RYR3: variants seen among roughly 807,000 people sequenced by gnomAD.
The protein encoded by RYR3 is ryanodine receptor 3.
A neutral mutation model predicts 584.3 loss-of-function variants in RYR3; 207 were observed. The observed-to-expected ratio is 0.35, with a 90% confidence interval of 0.32 to 0.40. The LOEUF (loss-of-function observed/expected upper bound fraction) is 0.40, where lower values mean the gene tolerates loss of function less well. Ranked by LOEUF, RYR3 falls within the 10% of genes least tolerant of loss-of-function variation. The pLI is 1.00. For missense variants in RYR3, 5,616 were observed against 6,089.2 expected (o/e 0.92, Z 2.59); for synonymous variants, 2,416 against 2,248.5 (o/e 1.07, Z -2.11).
At chr15:33,539,254 C>A in intron 5 of RYR3, 96 bp from the exon 6 acceptor site, 1 of 732,384 alleles carries the variant, frequency 1.4e-6, no homozygotes, top group East Asian at 2.8e-5. Flanking sequence ...GTTGTGTGCA[C>A]GTGAAGGGTT....
At chr15:33,459,963 G>T (rs1204085092) in intron 1 of RYR3, among the ~76,000 whole-genome samples, 1 of 152,176 alleles carries the variant, frequency 6.6e-6, no homozygotes, top group Non-Finnish European at 1.5e-5. Context: ...GAATCAAGCA[G>T]TCATGCTTAA....
intron 7 of RYR3, among the ~76,000 whole-genome samples, chr15:33,541,163 C>T (rs2055785349): frequency 6.6e-6 from 1 of 152,016 alleles, no homozygotes; most frequent in African/African-American, 2.4e-5. Flanking sequence ...GGATATGCAC[C>T]TTTGCTCTCT....
At chr15:33,734,134 G>A (rs1223344473) in intron 48 of RYR3, among the ~76,000 whole-genome samples, 2 of 152,128 alleles carry the variant, frequency 1.3e-5, no homozygotes, top group East Asian at 3.9e-4. Flanking sequence ...TGGGAAGGAG[G>A]CCTCGACCCA....
chr15:33,487,212 A>AT (rs2142430413), intron 2 of RYR3, among the ~76,000 whole-genome samples: 1 of 151,154 alleles, frequency 6.6e-6, no homozygotes, highest in Admixed American at 6.6e-5. Context: ...AAAAAAAAAA[A>AT]AGTGTGAGGT....
intron 1 of RYR3, among the ~76,000 whole-genome samples, chr15:33,434,757 T>C (rs1324999180): frequency 6.6e-6 from 1 of 152,196 alleles, no homozygotes; most frequent in Non-Finnish European, 1.5e-5. Flanking sequence ...TCTCTTCTCT[T>C]TAGTGTTTGC....
intron 57 of RYR3, among the ~76,000 whole-genome samples, chr15:33,754,072 A>C (rs1464207283): frequency 6.6e-6 from 1 of 152,146 alleles, no homozygotes; most frequent in East Asian, 1.9e-4. Flanking sequence ...TGAACCCAGA[A>C]GGCAGAGGTT....
chr15:33,607,886 T>C (rs1177865144), intron 18 of RYR3, among the ~76,000 whole-genome samples: 2 of 152,160 alleles, frequency 1.3e-5, no homozygotes, highest in South Asian at 2.1e-4. Context: ...TATAGATTAA[T>C]TGATTCAAAA....
At position 33,493,411 on chromosome 15, in the gene RYR3, G is replaced by C. The variant is rs574318326; in HGVS notation, c.172-10220G>C. Among the ~76,000 whole-genome samples, 525 of 152,144 alleles carry C rather than the reference G, an allele frequency of 3.5e-3. 3 individuals are homozygous for C. The highest frequency in any genetic ancestry group is 0.012 in the African/African-American group (498 of 41,512). Reference sequence around the variant, plus strand: ...AAGCTAGAATTCCAGGGATTGTTACGTTCCCATTAAGTTTCCACAGCTCAT... The same window carrying C: ...AAGCTAGAATTCCAGGGATTGTTACCTTCCCATTAAGTTTCCACAGCTCAT... On this transcript the variant is annotated intron_variant, in intron 2 of 103. Coordinates refer to ENST00000634891, the MANE Select transcript of RYR3 (RefSeq NM_001036.6).
chr15:33,843,462 A>T, intron 91 of RYR3, 26 bp from the exon 92 acceptor site: 1 of 1,525,434 alleles, frequency 6.6e-7, no homozygotes, highest in Non-Finnish European at 9.0e-7. Flanking sequence ...AAGCTCTTCT[A>T]CTTCTGCCTG....
intron 38 of RYR3, among the ~76,000 whole-genome samples, chr15:33,683,058 G>A (rs531140541): frequency 8.4e-4 from 128 of 151,720 alleles, no homozygotes; most frequent in African/African-American, 2.9e-3. Flanking sequence ...GCAGTGGCGC[G>A]ATCTTGGCTC....
chr15:33,639,197 TACAGG>T (rs1329888450), intron 27 of RYR3, among the ~76,000 whole-genome samples: 1 of 152,234 alleles, frequency 6.6e-6, no homozygotes, highest in Non-Finnish European at 1.5e-5. Context: ...GCCTGTTGTG[TACAGG>T]GATGTGATTT....
intron 78 of RYR3, 49 bp from the exon 79 acceptor site, chr15:33,821,221 T>C: frequency 6.8e-7 from 1 of 1,470,214 alleles, no homozygotes; most frequent in East Asian, 2.5e-5. Context: ...GTGAACTCCC[T>C]GGTGCTGGGT....
chr15:33,328,134 CAT>C (rs1969959208), intron 1 of RYR3, among the ~76,000 whole-genome samples: 1 of 152,150 alleles, frequency 6.6e-6, no homozygotes, highest in Non-Finnish European at 1.5e-5. Flanking sequence ...GCCAAATAAA[CAT>C]ATGCAGAACA....
intron 3 of RYR3, among the ~76,000 whole-genome samples, chr15:33,517,181 G>A (rs2140928537): frequency 6.6e-6 from 1 of 152,288 alleles, no homozygotes; most frequent in East Asian, 1.9e-4. Flanking sequence ...TTTTAGTAGA[G>A]ATGAGGTTTC....
At position 33,630,014 on chromosome 15, in the gene RYR3, T is replaced by C. The variant is rs1385032445; in HGVS notation, c.2754T>C (p.Tyr918=). ...FSKLPETEKN[Y]NLQMSTETLK... Reference sequence around the variant, plus strand: ...AGCTCCCAGAAACTGAGAAGAACTATAACCTGCAAATGTCAACTGAAACCT... The same window carrying C: ...AGCTCCCAGAAACTGAGAAGAACTACAACCTGCAAATGTCAACTGAAACCT... Residue 918 remains tyrosine, a synonymous_variant, in exon 22 of 104, where the codon TAT becomes TAC. Transcript: ENST00000634891. 1 of 1,603,178 alleles carries C rather than the reference T, an allele frequency of 6.2e-7. No individual in the cohort carries two copies. Among genetic ancestry groups the C allele is most frequent in the Non-Finnish European group, 8.5e-7 (1 of 1,174,226 alleles).
At chr15:33,697,532 G>A (rs962740196) in intron 39 of RYR3, among the ~76,000 whole-genome samples, 1 of 152,130 alleles carries the variant, frequency 6.6e-6, no homozygotes, top group African/African-American at 2.4e-5. Flanking sequence ...AGATGTAATT[G>A]TTCTTACATC....
rs759249813 is a variant in RYR3 at position 33,865,260 on chromosome 15, G to A, written c.*34G>A. On this transcript the variant is annotated 3_prime_UTR_variant, in exon 104 of 104. Coordinates refer to ENST00000634891, the MANE Select transcript of RYR3 (RefSeq NM_001036.6). ...CAAAGAAGCGCGACAATTCTGGACA[G>A]TCAACTTCCCATGAAATAAAGTCCC... is the stretch of plus-strand genomic sequence containing the variant. 102 of 1,476,454 alleles carry A rather than the reference G, an allele frequency of 6.9e-5. No homozygotes were observed. Among genetic ancestry groups the A allele is most frequent in the Non-Finnish European group, 9.2e-5 (98 of 1,061,654 alleles). The allele number at this position is 1,476,454 out of a possible 1,614,324, so 91.5% of individuals were successfully genotyped here.
chr15:33,423,956 A>T (rs2044420759), intron 1 of RYR3, among the ~76,000 whole-genome samples: 2 of 152,168 alleles, frequency 1.3e-5, no homozygotes, highest in African/African-American at 4.8e-5. Context: ...AGTTTGCTAA[A>T]CGGCAGCTCT....
At chr15:33,699,581 G>A (rs2066143351) in intron 40 of RYR3, 123 bp from the exon 41 acceptor site, 1 of 793,152 alleles carries the variant, frequency 1.3e-6, no homozygotes. Flanking sequence ...GAAAAAAAAT[G>A]GAAGGAGAAA....
Sources: gnomAD v4.1 joint callset for allele counts (sites outside exome capture counted in the v4.1 genomes callset) on GRCh38, gnomAD v4.1.1 for gene constraint, MANE v1.5 for transcripts, NCBI Gene and HGNC (gene_info 2026-07-23, HGNC 2026-07-21) for gene names.